ACTA2: variants seen among roughly 807,000 people sequenced by gnomAD.
ACTA2 encodes the protein actin alpha 2, smooth muscle.
A neutral mutation model predicts 39.5 loss-of-function variants in ACTA2; 12 were observed. That is an observed-to-expected ratio of 0.30 (90% CI 0.19 to 0.49). The LOEUF is 0.49. Among genes scored for constraint, ACTA2 ranks in the 20% least tolerant of loss-of-function variants. The pLI is 0.99. For synonymous variants in ACTA2, 158 were observed against 180.6 expected, an observed-to-expected ratio of 0.88 and a Z score of 1.00; for missense variants, 236 against 498.8, an observed-to-expected ratio of 0.47 and a Z score of 5.02.
In ACTA2 at chr10:88,939,508, G is replaced by T; in HGVS notation, c.807C>A (p.Ile269=). ...AGGAAAAGGGCGTTTGTTGCCTACC[G>T]ATGAAGGATGGCTGGAACAGGGTCT... ...CPETLFQPSF[I]GMESAGIHET... The change falls in exon 7 of 9, where the codon ATC becomes ATA. Residue 269 remains isoleucine, a splice_region_variant and synonymous_variant. Transcript: ENST00000224784. The T allele has an allele frequency of 1.2e-6, 2 of 1,613,028 alleles. No homozygotes were observed. The highest frequency in any genetic ancestry group is 1.1e-5 in the South Asian group (1 of 91,010).
At chr10:88,935,466 CTTG>C in intron 8 of ACTA2, 100 bp from the exon 9 acceptor site, 1 of 1,396,244 alleles carries the variant, frequency 7.2e-7, no homozygotes, top group Admixed American at 1.7e-5. Context: ...GGCCTAGTTT[CTTG>C]TTCAGCAGGG....
upstream of ACTA2, among the ~76,000 whole-genome samples, chr10:88,956,305 G>T (rs1846137836): frequency 1.3e-5 from 2 of 152,262 alleles, no homozygotes; most frequent in South Asian, 4.1e-4. Flanking sequence ...TCTTGTGGGG[G>T]TCTATGTCTT....
rs1845903886 is a variant in ACTA2, at chr10:88,944,026, C to T, written c.259-119G>A. 5.0e-6 allele frequency: 4 copies of T among 799,358 alleles called. No individual in the cohort carries two copies. The East Asian group carries it at 7.6e-5, about 15-fold the overall frequency. The allele number at this position is 799,358 out of a possible 1,614,324, so 49.5% of individuals were successfully genotyped here. On this transcript the variant is annotated intron_variant, in intron 3 of 8. Transcript: ENST00000224784. ...GACCAAAGGAAATGCTACAAGTACT[C>T]ATGCATGTGTCCATGGTTTTATAGA...
At chr10:88,949,898 T>A (rs1172937522) in intron 1 of ACTA2, among the ~76,000 whole-genome samples, 5 of 152,208 alleles carry the variant, frequency 3.3e-5, no homozygotes, top group Admixed American at 6.5e-5. Flanking sequence ...CATATTTTTT[T>A]AATTTTCTAT....
At chr10:88,962,979 T>G (rs1846260478) in intron 1 of ACTA2, among the ~76,000 whole-genome samples, 1 of 98,094 alleles carries the variant, frequency 1.0e-5, no homozygotes, top group South Asian at 3.5e-4. Flanking sequence ...ATATATATAA[T>G]ATTTTTTTTT....
At chr10:88,951,703 T>C (rs1327715532) in intron 1 of ACTA2, among the ~76,000 whole-genome samples, 1 of 152,172 alleles carries the variant, frequency 6.6e-6, no homozygotes, top group African/African-American at 2.4e-5. Flanking sequence ...CTTTTGGAAC[T>C]GCACCCGGGT....
At chr10:88,958,451 G>C (rs1195252682) in intron 1 of ACTA2, among the ~76,000 whole-genome samples, 2 of 152,180 alleles carry the variant, frequency 1.3e-5, no homozygotes, top group East Asian at 3.8e-4. Context: ...TGGAGGATCA[G>C]ATAAGCCAAA....
chr10:88,940,282 C>G (rs577209985), intron 6 of ACTA2: 1 of 162,838 alleles, frequency 6.1e-6, no homozygotes, highest in Non-Finnish European at 1.4e-5. Flanking sequence ...GAACGAGATA[C>G]GGAAGAAGTG....
In ACTA2 at chr10:88,947,078, T is replaced by G. The variant is rs1845964265; in HGVS notation, c.258+180A>C. On this transcript the variant is annotated intron_variant, in intron 3 of 8. Coordinates refer to ENST00000224784, the MANE Select transcript of ACTA2 (RefSeq NM_001613.4). ...CCTACAAAGGACATGAACTCATCAT[T>G]TTTTATGGCTACAAGGATTTTTTTT... The G allele has an allele frequency of 3.6e-6, 3 of 839,144 alleles. No individual in the cohort carries two copies. In the African/African-American group the frequency reaches 5.1e-5, roughly 14 times the overall value. 52.0% of individuals were successfully genotyped at this position (839,144 alleles called of 1,614,324 possible). A position where few individuals can be genotyped will look rare whatever the true frequency, so the allele number is the denominator to read the frequency against.
chr10:88,964,501 T>C, intron 1 of ACTA2, among the ~76,000 whole-genome samples: 1 of 152,196 alleles, frequency 6.6e-6, no homozygotes, highest in East Asian at 1.9e-4. Flanking sequence ...GTCTGTTATG[T>C]AGATTTCCCT....
intron 3 of ACTA2, among the ~76,000 whole-genome samples, chr10:88,944,421 C>T (rs962590158): frequency 2.0e-5 from 3 of 152,118 alleles, no homozygotes; most frequent in African/African-American, 7.2e-5. Context: ...TTCTCTCTTC[C>T]CATTTTAATG....
intron 1 of ACTA2, among the ~76,000 whole-genome samples, chr10:88,983,878 T>C (rs1846791329): frequency 6.6e-6 from 1 of 152,230 alleles, no homozygotes; most frequent in African/African-American, 2.4e-5. Context: ...GCCTGCTTAG[T>C]GTCTTTCCTC....
At chr10:88,986,793 A>G (rs1846904828) in intron 1 of ACTA2, among the ~76,000 whole-genome samples, 1 of 152,206 alleles carries the variant, frequency 6.6e-6, no homozygotes, top group South Asian at 2.1e-4. Flanking sequence ...GAAGTAGTAC[A>G]GGAAAAGTGG....
chr10:88,944,674 A>T (rs553200529), intron 3 of ACTA2, among the ~76,000 whole-genome samples: 1 of 152,318 alleles, frequency 6.6e-6, no homozygotes, highest in African/African-American at 2.4e-5. Context: ...ACAGTCAGAC[A>T]TTTGGCCTTC....
At chr10:88,977,216 T>C (rs1222157986) in intron 1 of ACTA2, among the ~76,000 whole-genome samples, 1 of 151,808 alleles carries the variant, frequency 6.6e-6, no homozygotes, top group Non-Finnish European at 1.5e-5. Flanking sequence ...GCTTTTGGTG[T>C]TTTAGACATG....
At chr10:88,953,765 G>A (rs1467957911), upstream of ACTA2, among the ~76,000 whole-genome samples, 1 of 152,130 alleles carries the variant, frequency 6.6e-6, no homozygotes, top group Non-Finnish European at 1.5e-5. Flanking sequence ...AAGTGAGTGA[G>A]TTCTCACGAT....
At chr10:88,958,813 T>A (rs910533692) in intron 1 of ACTA2, among the ~76,000 whole-genome samples, 1 of 152,160 alleles carries the variant, frequency 6.6e-6, no homozygotes, top group Non-Finnish European at 1.5e-5. Context: ...ATCTACAGGA[T>A]GACCAAGGTT....
At chr10:88,958,594 G>A (rs570415560) in intron 1 of ACTA2, among the ~76,000 whole-genome samples, 1 of 152,270 alleles carries the variant, frequency 6.6e-6, no homozygotes, top group East Asian at 1.9e-4. Context: ...CTCCACCCAG[G>A]TAGTAGGGAG....
At position 88,973,240 on chromosome 10, in the gene ACTA2, A is replaced by T. The variant is rs756355344; in HGVS notation, c.-24+17699T>A. The T allele has an allele frequency of 3.8e-5, 61 of 1,612,504 alleles. 1 individual carries two copies. In the African/African-American group the frequency reaches 6.8e-4, roughly 18 times the overall value. ...ACTGCTTTGGAGATGGAGCCCCTGA[A>T]AATTGGCTATGGACCAAATGGATTC... On this transcript the variant is annotated intron_variant, in intron 1 of 4. Transcript: ENST00000415557.
Sources: gnomAD v4.1 joint callset for allele counts (sites outside exome capture counted in the v4.1 genomes callset) on GRCh38, gnomAD v4.1.1 for gene constraint, MANE v1.5 for transcripts, NCBI Gene and HGNC (gene_info 2026-07-23, HGNC 2026-07-21) for gene names.